Variants in SGCZ observed in about 807,000 individuals in gnomAD.
SGCZ encodes sarcoglycan zeta, also known as zeta-sarcoglycan.
SGCZ carries 40 observed loss-of-function variants against 41.3 expected under a neutral mutation model. That is an observed-to-expected ratio of 0.97 (90% CI 0.75 to 1.26). The LOEUF (loss-of-function observed/expected upper bound fraction) is 1.26, where lower values mean the gene tolerates loss of function less well. Among genes scored for constraint, SGCZ ranks in the 50% most tolerant of loss-of-function variants. The pLI, the probability that SGCZ is intolerant of heterozygous loss-of-function variation, is 0.00. For missense variants in SGCZ, 552 were observed against 369.8 expected (o/e 1.49, Z -4.04); for synonymous variants, 206 against 137.5 (o/e 1.50, Z -3.49).
chr8:14,594,803 G>A (rs562677204), intron 1 of SGCZ, among the ~76,000 whole-genome samples: 2 of 151,834 alleles, frequency 1.3e-5, no homozygotes, highest in East Asian at 1.9e-4. Context: ...CCTGATTAAA[G>A]AGACTATGCA....
chr8:14,137,910 A>G (rs1395772614), intron 5 of SGCZ, among the ~76,000 whole-genome samples: 3 of 152,210 alleles, frequency 2.0e-5, no homozygotes, highest in African/African-American at 7.2e-5. Flanking sequence ...GAAGGAAAAA[A>G]TATTAAGGGC....
intron 1 of SGCZ, among the ~76,000 whole-genome samples, chr8:15,067,070 T>C (rs560114118): frequency 6.6e-6 from 1 of 152,248 alleles, no homozygotes; most frequent in Non-Finnish European, 1.5e-5. Flanking sequence ...AATTAAACTT[T>C]TAAAATACCT....
At chr8:14,966,757 T>C (rs1447144990) in intron 1 of SGCZ, among the ~76,000 whole-genome samples, 1 of 152,068 alleles carries the variant, frequency 6.6e-6, no homozygotes, top group Non-Finnish European at 1.5e-5. Flanking sequence ...TTTAAACAAA[T>C]AGTATAGAAA....
chr8:14,107,728 T>G (rs1802250375), intron 6 of SGCZ, among the ~76,000 whole-genome samples: 2 of 152,166 alleles, frequency 1.3e-5, no homozygotes, highest in Non-Finnish European at 1.5e-5. Context: ...AGCCACGACC[T>G]CCTGGGCTCA....
At chr8:14,280,219 C>T (rs570457560) in intron 3 of SGCZ, among the ~76,000 whole-genome samples, 139 of 151,568 alleles carry the variant, frequency 9.2e-4, no homozygotes, top group African/African-American at 3.0e-3. Context: ...ATTTTGAATC[C>T]GTATATATAT....
intron 1 of SGCZ, among the ~76,000 whole-genome samples, chr8:15,121,388 G>A (rs1028004456): frequency 6.6e-6 from 1 of 152,102 alleles, no homozygotes; most frequent in African/African-American, 2.4e-5. Context: ...ATTCTGGAAA[G>A]CTTCTCAATG....
At chr8:14,683,844 C>A (rs547831893) in intron 1 of SGCZ, among the ~76,000 whole-genome samples, 1 of 152,214 alleles carries the variant, frequency 6.6e-6, no homozygotes, top group East Asian at 1.9e-4. Flanking sequence ...ATTAGCTTAT[C>A]TGGAACTAGA....
rs998633793 is a variant in SGCZ, at chr8:14,485,826, T to C, written c.234+68906A>G. Among the ~76,000 whole-genome samples the C allele has an allele frequency of 2.6e-4, 34 of 128,346 alleles. 1 individual carries two copies. The highest frequency in any genetic ancestry group is 8.8e-4 in the African/African-American group (31 of 35,042). 84.2% of individuals were successfully genotyped at this position (128,346 alleles called of 152,430 possible). On this transcript the variant is annotated intron_variant, in intron 2 of 7. Transcript: ENST00000382080. ...CTGTTTAACTACTTTATATTTTCTC[T>C]AGAACAATTTTTTTTTTTTTTTTTT...
At chr8:14,155,891 A>C (rs1585185427) in intron 5 of SGCZ, among the ~76,000 whole-genome samples, 2 of 152,304 alleles carry the variant, frequency 1.3e-5, no homozygotes, top group East Asian at 3.9e-4. Flanking sequence ...CCTAAGCTAC[A>C]AACCTGTACA....
chr8:14,191,416 T>A (rs1805099548), intron 4 of SGCZ, among the ~76,000 whole-genome samples: 1 of 152,208 alleles, frequency 6.6e-6, no homozygotes, highest in Non-Finnish European at 1.5e-5. Context: ...AAGGTTAATG[T>A]CAAAGAGTTT....
chr8:14,409,079 C>G (rs902684358), intron 2 of SGCZ, among the ~76,000 whole-genome samples: 3 of 151,806 alleles, frequency 2.0e-5, no homozygotes, highest in Non-Finnish European at 4.4e-5. Context: ...CCAGTGTTAG[C>G]AAATGCTAAG....
At chr8:14,581,076 G>A (rs1804872319) in intron 1 of SGCZ, among the ~76,000 whole-genome samples, 1 of 152,102 alleles carries the variant, frequency 6.6e-6, no homozygotes, top group Admixed American at 6.5e-5. Flanking sequence ...TAAGGAAGAG[G>A]TTGTCTCGTA....
intron 3 of SGCZ, among the ~76,000 whole-genome samples, chr8:14,247,926 G>C (rs960817387): frequency 6.6e-6 from 1 of 152,128 alleles, no homozygotes; most frequent in Non-Finnish European, 1.5e-5. Flanking sequence ...GAAATGTACA[G>C]CATATGTGAA....
chr8:15,046,589 C>T (rs576074306), intron 1 of SGCZ, among the ~76,000 whole-genome samples: 7 of 152,064 alleles, frequency 4.6e-5, no homozygotes, highest in African/African-American at 1.4e-4. Context: ...CTAGACTTAT[C>T]TTGTTTCCCT....
intron 1 of SGCZ, among the ~76,000 whole-genome samples, chr8:14,926,402 T>C (rs1472133287): frequency 1.3e-5 from 2 of 152,182 alleles, no homozygotes; most frequent in Non-Finnish European, 2.9e-5. Flanking sequence ...AAAATTCATA[T>C]TCTTTGATTT....
At chr8:14,407,513 T>A (rs1255556166) in intron 2 of SGCZ, among the ~76,000 whole-genome samples, 1 of 152,162 alleles carries the variant, frequency 6.6e-6, no homozygotes, top group South Asian at 2.1e-4. Context: ...TTATATGACA[T>A]CTGTTTTAAT....
chr8:14,779,884 A>G (rs1182152849), intron 1 of SGCZ, among the ~76,000 whole-genome samples: 1 of 152,220 alleles, frequency 6.6e-6, no homozygotes, highest in Non-Finnish European at 1.5e-5. Context: ...TAAAGATTAC[A>G]TTTATGTAAA....
chr8:14,395,953 A>C (rs995692373), intron 2 of SGCZ, among the ~76,000 whole-genome samples: 67 of 152,336 alleles, frequency 4.4e-4, no homozygotes, highest in Non-Finnish European at 6.8e-4. Context: ...AGAGGATCAA[A>C]CTAAGAGTTA....
intron 5 of SGCZ, among the ~76,000 whole-genome samples, chr8:14,113,265 A>G (rs1417224542): frequency 9.9e-5 from 15 of 152,112 alleles, no homozygotes; most frequent in East Asian, 1.9e-4. Flanking sequence ...ACTTACGTAT[A>G]AAATATCTTT....
Sources: allele counts gnomAD v4.1 joint callset (sites outside exome capture counted in the v4.1 genomes callset), GRCh38; gene constraint gnomAD v4.1.1; transcripts MANE v1.5; gene names NCBI Gene and HGNC (gene_info 2026-07-23, HGNC 2026-07-21).